ZC3H12B: variants seen among roughly 807,000 people sequenced by gnomAD.
ZC3H12B encodes the protein probable ribonuclease ZC3H12B.
ZC3H12B carries 7 observed loss-of-function variants against 43.9 expected under a neutral mutation model. That is an observed-to-expected ratio of 0.16 (90% CI 0.09 to 0.30). The LOEUF is 0.30. Among genes scored for constraint, ZC3H12B ranks in the 10% least tolerant of loss-of-function variants. The probability of loss-of-function intolerance (pLI) is 1.00; values close to 1 mark genes in which losing one functional copy is unlikely to be tolerated. For missense variants in ZC3H12B, 475 were observed against 670.2 expected (o/e 0.71, Z 3.22); for synonymous variants, 222 against 241.7 (o/e 0.92, Z 0.76).
the ZC3H12B span, among the ~76,000 whole-genome samples, chrX:65,291,729 G>A: frequency 1.5e-4 from 17 of 111,990 alleles, no homozygotes; most frequent in Non-Finnish European, 3.0e-4. Context: ...ACAATATTAT[G>A]TCTATAGTTA....
At chrX:65,137,898 G>C in the ZC3H12B span, among the ~76,000 whole-genome samples, 1 of 112,174 alleles carries the variant, frequency 8.9e-6, no homozygotes, top group Non-Finnish European at 1.9e-5. Flanking sequence ...GCATGATCTC[G>C]GCCCACTGCA....
the ZC3H12B span, among the ~76,000 whole-genome samples, chrX:65,206,714 G>A: frequency 2.7e-5 from 3 of 111,564 alleles, no homozygotes; most frequent in Non-Finnish European, 5.6e-5. Context: ...AATCAGCAGA[G>A]TTAACAGACA....
At chrX:65,123,763 G>C in the ZC3H12B span, among the ~76,000 whole-genome samples, 2 of 106,234 alleles carry the variant, frequency 1.9e-5, no homozygotes, top group Non-Finnish European at 1.9e-5. Flanking sequence ...TTGTGAAAGG[G>C]GTTGAGTTAT....
the ZC3H12B span, among the ~76,000 whole-genome samples, chrX:65,305,997 C>A: frequency 9.0e-6 from 1 of 111,713 alleles, no homozygotes; most frequent in Non-Finnish European, 1.9e-5. Flanking sequence ...TGAGAAATGA[C>A]CTTTTGTTAT....
the ZC3H12B span, among the ~76,000 whole-genome samples, chrX:65,289,951 A>G: frequency 9.0e-6 from 1 of 111,158 alleles, no homozygotes; most frequent in African/African-American, 3.3e-5. Context: ...CCTCAAGAGT[A>G]TAGTCAGCAA....
the ZC3H12B span, among the ~76,000 whole-genome samples, chrX:65,261,806 G>T: frequency 2.6e-4 from 29 of 110,782 alleles, no homozygotes; most frequent in East Asian, 7.3e-3. Context: ...TTATAATGCA[G>T]GTAGTAAATA....
At chrX:65,135,106 G>A in the ZC3H12B span, among the ~76,000 whole-genome samples, 1 of 111,387 alleles carries the variant, frequency 9.0e-6, no homozygotes, top group Non-Finnish European at 1.9e-5. Flanking sequence ...TATATATAAT[G>A]AAGTATATAT....
At chrX:65,169,388 G>T in the ZC3H12B span, among the ~76,000 whole-genome samples, 10 of 111,776 alleles carry the variant, frequency 8.9e-5, no homozygotes, top group Admixed American at 2.9e-4. Context: ...ATTGCACTGT[G>T]GTCTGAGAGA....
chrX:65,448,797 G>A (rs908764228), intron 3 of ZC3H12B, among the ~76,000 whole-genome samples: 1 of 104,182 alleles, frequency 9.6e-6, no homozygotes, highest in African/African-American at 3.7e-5. Context: ...CAGCCTGGGT[G>A]ACAGAATGAT....
chrX:65,157,602 A>G, the ZC3H12B span, among the ~76,000 whole-genome samples: 1 of 111,313 alleles, frequency 9.0e-6, no homozygotes, highest in Non-Finnish European at 1.9e-5. Flanking sequence ...CTATGTTTAA[A>G]TATGTCCTTT....
intron 3 of ZC3H12B, among the ~76,000 whole-genome samples, chrX:65,416,786 CAA>C (rs57825587): frequency 2.2e-4 from 18 of 82,672 alleles, no homozygotes; most frequent in Non-Finnish European, 1.7e-4. Context: ...GAGACTCCGT[CAA>C]AAAAAAAAAA....
At position 65,403,367 on chromosome X, in the gene ZC3H12B, C is replaced by A. The variant is rs546549150; in HGVS notation, n.407+4663C>A. 9.9e-5 allele frequency among the ~76,000 whole-genome samples: 11 copies of A among 110,681 alleles called. No homozygotes were observed. The South Asian group carries it at 4.2e-3, about 42-fold the overall frequency. On this transcript the variant is annotated intron_variant and non_coding_transcript_variant, in intron 3 of 5. Transcript: ENST00000617377. ...AAATGTCAAAGTTAAGAGTTATTGG[C>A]CTTAAAAATGAGATAGAGGAAGAGA...
At chrX:65,137,916 C>T in the ZC3H12B span, among the ~76,000 whole-genome samples, 1 of 112,332 alleles carries the variant, frequency 8.9e-6, no homozygotes, top group South Asian at 3.7e-4. Context: ...GCAACCTTCA[C>T]CTCGTGGGTT....
At chrX:65,457,417 C>T (rs1355195351) in intron 3 of ZC3H12B, among the ~76,000 whole-genome samples, 6 of 75,190 alleles carry the variant, frequency 8.0e-5, no homozygotes, top group African/African-American at 1.3e-4. Context: ...TCTGCCTGGC[C>T]GGCCGCCCCG....
the ZC3H12B span, among the ~76,000 whole-genome samples, chrX:65,256,346 A>G: frequency 9.1e-6 from 1 of 110,222 alleles, no homozygotes; most frequent in African/African-American, 3.5e-5. Context: ...ACATTCCAGG[A>G]CCACAGCACA....
intron 3 of ZC3H12B, among the ~76,000 whole-genome samples, chrX:65,458,062 T>TAAAA (rs56840636): frequency 6.3e-4 from 10 of 15,829 alleles, no homozygotes; most frequent in African/African-American, 9.5e-4. Flanking sequence ...GAATGATCAA[T>TAAAA]AAAAAAAAAA....
chrX:65,154,717 A>G, the ZC3H12B span, among the ~76,000 whole-genome samples: 1 of 111,266 alleles, frequency 9.0e-6, no homozygotes, highest in African/African-American at 3.3e-5. Context: ...GGTGTGTTGC[A>G]TACCTGTGAT....
the ZC3H12B span, among the ~76,000 whole-genome samples, chrX:65,334,915 C>T: frequency 2.7e-5 from 3 of 111,770 alleles, no homozygotes; most frequent in South Asian, 1.1e-3. Context: ...TTGCCCCATC[C>T]CCCATGGGAG....
the ZC3H12B span, among the ~76,000 whole-genome samples, chrX:65,056,985 C>A: frequency 1.8e-5 from 2 of 111,867 alleles, no homozygotes; most frequent in Non-Finnish European, 3.8e-5. Flanking sequence ...TGTGTCTCTG[C>A]ATGTGAGATG....
Sources: gnomAD v4.1 joint callset for allele counts (sites outside exome capture counted in the v4.1 genomes callset) on GRCh38, gnomAD v4.1.1 for gene constraint, MANE v1.5 for transcripts, NCBI Gene and HGNC (gene_info 2026-07-23, HGNC 2026-07-21) for gene names.